The following LIG1 variants were observed in gnomAD, a reference collection of about 807,000 sequenced individuals.
LIG1 encodes the protein DNA ligase 1.
Under a neutral mutation model 115.7 loss-of-function variants are expected in LIG1, and 70 were observed. The ratio of observed to expected loss-of-function variants is 0.60; its 90% CI spans 0.50 to 0.74. LIG1 has a LOEUF of 0.74. Among genes scored for constraint, LIG1 ranks in the 30% least tolerant of loss-of-function variants. The pLI is 0.00. For synonymous variants in LIG1, 487 were observed against 495.3 expected (o/e 0.98, Z 0.22); for missense variants, 1,115 against 1,225.6 (o/e 0.91, Z 1.35).
intron 21 of LIG1, among the ~76,000 whole-genome samples, chr19:48,125,498 A>C (rs1766512963): frequency 6.8e-6 from 1 of 147,708 alleles, no homozygotes; most frequent in South Asian, 2.1e-4. Flanking sequence ...AGATGGGCCT[A>C]ACGGAGAAAA....
intron 9 of LIG1, among the ~76,000 whole-genome samples, chr19:48,144,859 T>A (rs2035016268): frequency 6.6e-6 from 1 of 152,056 alleles, no homozygotes; most frequent in Admixed American, 6.5e-5. Context: ...CACAGAGTGA[T>A]TAACTCACCC....
chr19:48,156,895 T>C (rs533829170), intron 5 of LIG1, 119 bp downstream of exon 5: 31 of 890,088 alleles, frequency 3.5e-5, no homozygotes, highest in Non-Finnish European at 4.4e-5. Flanking sequence ...GCCGAGATCA[T>C]GCCACTGCAC....
In LIG1 at chr19:48,137,394, G is replaced by A. The variant is rs2075189001; in HGVS notation, c.1254+128C>T. 8.3e-7 allele frequency: 1 copy of A among 1,202,752 alleles called. No individual in the cohort carries two copies. 74.5% of individuals were successfully genotyped at this position (1,202,752 alleles called of 1,614,324 possible). A position where few individuals can be genotyped will look rare whatever the true frequency, so the allele number is the denominator to read the frequency against. ...TTGGGTGCAGGAAGGAGGAGAGGAA[G>A]CTGTGCACCCCATGAGAAGGACTGA... On this transcript the variant is annotated intron_variant, in intron 13 of 27. Transcript: ENST00000263274. This position sits in a 1 kb window ranked among gnomAD's most constrained non-coding sequence, Gnocchi z 4.3.
At chr19:48,148,976 G>A (rs1156371010) in intron 9 of LIG1, among the ~76,000 whole-genome samples, 1 of 152,220 alleles carries the variant, frequency 6.6e-6, no homozygotes, top group Non-Finnish European at 1.5e-5. Flanking sequence ...TTTTAAGGCA[G>A]AGTAGACGCG....
intron 1 of LIG1, among the ~76,000 whole-genome samples, chr19:48,166,297 T>G: frequency 6.6e-6 from 1 of 152,326 alleles, no homozygotes; most frequent in Admixed American, 6.5e-5. Context: ...CTCTGGAGGC[T>G]GAGGCAGGAG....
chr19:48,162,634 C>T (rs562909105), intron 2 of LIG1, among the ~76,000 whole-genome samples: 1 of 152,112 alleles, frequency 6.6e-6, no homozygotes, highest in South Asian at 2.1e-4. Flanking sequence ...GGGGTATCAC[C>T]GTGTTAGCCA....
At chr19:48,154,043 G>A in intron 5 of LIG1, 76 bp from the exon 6 acceptor site, 1 of 1,231,542 alleles carries the variant, frequency 8.1e-7, no homozygotes, top group Non-Finnish European at 1.2e-6. Flanking sequence ...CACACCCACT[G>A]ATGTAGCCTC....
Position 48,165,860 on chromosome 19 carries a change from G to A in LIG1, c.-57-237C>T. The A allele has an allele frequency of 7.6e-6, 4 of 527,748 alleles. No homozygotes were observed. The South Asian group carries it at 8.3e-5, about 11-fold the overall frequency. 32.7% of individuals were successfully genotyped at this position (527,748 alleles called of 1,614,324 possible). On this transcript the variant is annotated intron_variant, in intron 1 of 27. Coordinates refer to ENST00000263274, the MANE Select transcript of LIG1 (RefSeq NM_000234.3). ...AGGCCTCCTTTACCATAAGAAGACT[G>A]TTTTTCATCTAATATGAGGAATAGA...
At chr19:48,140,919 G>A (rs1055230082) in intron 11 of LIG1, among the ~76,000 whole-genome samples, 8 of 152,124 alleles carry the variant, frequency 5.3e-5, no homozygotes, top group Non-Finnish European at 1.2e-4. Flanking sequence ...CCGGTCTCCC[G>A]CACAGCCAGC....
intron 21 of LIG1, among the ~76,000 whole-genome samples, chr19:48,123,981 T>C (rs2033486786): frequency 1.3e-5 from 2 of 152,206 alleles, no homozygotes; most frequent in South Asian, 4.1e-4. Flanking sequence ...AGAGTGTGTG[T>C]CAGAGAGGAA....
At chr19:48,127,174 G>T in intron 21 of LIG1, 103 bp downstream of exon 21, 1 of 934,948 alleles carries the variant, frequency 1.1e-6, no homozygotes, top group Non-Finnish European at 1.8e-6. Context: ...TCCTGGCCAT[G>T]TGAAGTGGCA....
intron 25 of LIG1, 142 bp downstream of exon 25, chr19:48,118,995 A>C: frequency 1.5e-6 from 1 of 684,246 alleles, no homozygotes; most frequent in African/African-American, 1.8e-5. Context: ...TGGACTCCAA[A>C]GCCAGCTCCA....
intron 9 of LIG1, among the ~76,000 whole-genome samples, chr19:48,147,657 C>T (rs2035202794): frequency 6.9e-6 from 1 of 145,006 alleles, no homozygotes. Flanking sequence ...AAAAAAAAAA[C>T]AAGAAACAAA....
chr19:48,157,188 T>G (rs274862), intron 4 of LIG1, 48 bp from the exon 5 acceptor site: 1 of 1,562,020 alleles, frequency 6.4e-7, no homozygotes, highest in African/African-American at 1.4e-5. Context: ...AAGGAGGGAC[T>G]CCATTTTCCA....
chr19:48,121,052 C>A, intron 24 of LIG1, 118 bp downstream of exon 24: 1 of 1,571,332 alleles, frequency 6.4e-7, no homozygotes, highest in Non-Finnish European at 8.6e-7. Flanking sequence ...CTGGGGAGAA[C>A]GGATCCTTCA....
rs199848958 is a variant in LIG1 at position 48,133,073 on chromosome 19, G to C, written c.1634C>G (p.Ala545Gly). ...SPGIPLKPML[A>G]HPTRGISEVL... ...CTCGCTGATGCCCCGGGTGGGATGG[G>C]CCAACATTGGTTTCAGGGGAATCCC... is the stretch of plus-strand genomic sequence containing the variant. Residue 545 changes from alanine (A) to glycine (G), a missense_variant, in exon 18 of 28, where the codon GCC becomes GGC. Physicochemically the swap from Ala to Gly is moderately conservative, Grantham distance 60. Transcript: ENST00000263274. The C allele has an allele frequency of 1.2e-5, 19 of 1,613,774 alleles. No individual in the cohort carries two copies. In the African/African-American group the frequency reaches 1.9e-4, roughly 16 times the overall value.
At chr19:48,126,227 C>T (rs1391737818) in intron 21 of LIG1, among the ~76,000 whole-genome samples, 4 of 152,088 alleles carry the variant, frequency 2.6e-5, no homozygotes, top group African/African-American at 7.2e-5. Flanking sequence ...TGGGATATGA[C>T]GGCATGTGGC....
rs537539730 is a variant in LIG1, at chr19:48,149,708, T to G, written c.776+55A>C. ...TGAGCTGGGGGTGGGGCTGTCGGAA[T>G]GCAGAGAAGGGAACACATCCCGAAG... On this transcript the variant is annotated intron_variant, in intron 9 of 27. Coordinates refer to ENST00000263274, the MANE Select transcript of LIG1 (RefSeq NM_000234.3). 5.6e-6 allele frequency: 8 copies of G among 1,425,906 alleles called. No individual in the cohort carries two copies. In the African/African-American group the frequency reaches 1.1e-4, roughly 20 times the overall value. 88.3% of individuals were successfully genotyped at this position (1,425,906 alleles called of 1,614,324 possible).
At position 48,159,874 on chromosome 19, in the gene LIG1, C is replaced by G. The variant is rs1237999400; in HGVS notation, c.243+1498G>C. The stretch of plus-strand genomic sequence containing the variant: ...CTGGGACTACAGGCGCCCGCCACCA[C>G]GCCCAGCTAATTTTTTGTATTTTTG... On this transcript the variant is annotated intron_variant, in intron 4 of 27. Transcript: ENST00000263274. Among the ~76,000 whole-genome samples, 5 of 152,302 alleles carry G rather than the reference C, an allele frequency of 3.3e-5. No individual in the cohort carries two copies. In the South Asian group the frequency reaches 1.0e-3, roughly 32 times the overall value.
Sources: allele counts gnomAD v4.1 joint callset (sites outside exome capture counted in the v4.1 genomes callset), GRCh38; gene constraint gnomAD v4.1.1; non-coding constraint Gnocchi (gnomAD v3.1); transcripts MANE v1.5; gene names NCBI Gene and HGNC (gene_info 2026-07-23, HGNC 2026-07-21).